The following UBE2H variants were observed in gnomAD, a reference collection of about 807,000 sequenced individuals.
UBE2H encodes the protein ubiquitin conjugating enzyme E2 H.
A neutral mutation model predicts 29.0 loss-of-function variants in UBE2H; 3 were observed. The ratio of observed to expected loss-of-function variants is 0.10; its 90% CI spans 0.05 to 0.27. The LOEUF (loss-of-function observed/expected upper bound fraction) is 0.27, where lower values mean the gene tolerates loss of function less well. Ranked by LOEUF, UBE2H falls within the 10% of genes least tolerant of loss-of-function variation. UBE2H has a pLI of 1.00. For synonymous variants in UBE2H, 69 were observed against 82.9 expected, an observed-to-expected ratio of 0.83 and a Z score of 0.91; for missense variants, 68 against 228.2, an observed-to-expected ratio of 0.30 and a Z score of 4.52.
At chr7:129,939,270 C>A (rs1265151062) in intron 1 of UBE2H, among the ~76,000 whole-genome samples, 1 of 152,136 alleles carries the variant, frequency 6.6e-6, no homozygotes, top group East Asian at 1.9e-4. Flanking sequence ...CAGCCTTGGA[C>A]TCAAGCAATC....
intron 1 of UBE2H, among the ~76,000 whole-genome samples, chr7:129,907,517 A>G (rs1282090506): frequency 2.0e-5 from 3 of 152,218 alleles, no homozygotes; most frequent in Admixed American, 6.5e-5. Context: ...GTTGTGGTAG[A>G]TAAAAGCAGA....
intron 4 of UBE2H, 95 bp downstream of exon 4, chr7:129,858,807 G>A (rs896940172): frequency 6.0e-6 from 7 of 1,171,098 alleles, no homozygotes; most frequent in Admixed American, 5.8e-5. Flanking sequence ...TCCTGATAAG[G>A]TCCAAAAAGA....
intron 1 of UBE2H, 35 bp downstream of exon 1, chr7:129,952,468 C>T (rs181298311): frequency 2.5e-6 from 4 of 1,607,988 alleles, no homozygotes; most frequent in Non-Finnish European, 3.4e-6. Flanking sequence ...CACCGCCCCC[C>T]ACACACAGCC....
intron 6 of UBE2H, among the ~76,000 whole-genome samples, chr7:129,837,935 T>C (rs1273746235): frequency 6.6e-6 from 1 of 152,228 alleles, no homozygotes; most frequent in African/African-American, 2.4e-5. Context: ...AGACATGTAC[T>C]GAAACAGGGC....
At position 129,834,451 on chromosome 7, in the gene UBE2H, C is replaced by T. The variant is rs1805285251; in HGVS notation, c.*486G>A. On this transcript the variant is annotated 3_prime_UTR_variant, in exon 7 of 7. Transcript: ENST00000355621. ...CAGGAAGGAGCAGCTCTGATTCTTA[C>T]ATGGCTGGCTCCGATGCCCCCACAG... The T allele has an allele frequency of 6.5e-6, 1 of 154,602 alleles. No individual in the cohort carries two copies. Among genetic ancestry groups the T allele is most frequent in the Non-Finnish European group, 1.4e-5 (1 of 69,522 alleles). The allele number at this position is 154,602 out of a possible 1,614,324, so 9.6% of individuals were successfully genotyped here. A position where few individuals can be genotyped will look rare whatever the true frequency, so the allele number is the denominator to read the frequency against.
chr7:129,925,471 C>T (rs996516368), intron 1 of UBE2H, among the ~76,000 whole-genome samples: 2 of 152,012 alleles, frequency 1.3e-5, no homozygotes, highest in African/African-American at 4.8e-5. Flanking sequence ...ATAATGCTCC[C>T]AAATATGTAA....
intron 1 of UBE2H, among the ~76,000 whole-genome samples, chr7:129,900,330 C>T (rs997535557): frequency 1.3e-5 from 2 of 150,904 alleles, no homozygotes; most frequent in Non-Finnish European, 3.0e-5. Context: ...ATTAATGTAA[C>T]ACATATGTTA....
At chr7:129,845,345 G>A (rs2116282704) in intron 5 of UBE2H, among the ~76,000 whole-genome samples, 1 of 152,256 alleles carries the variant, frequency 6.6e-6, no homozygotes, top group South Asian at 2.1e-4. Context: ...TGTGCAAAAT[G>A]CACAGGAAAT....
chr7:129,917,201 A>C (rs907757819), intron 1 of UBE2H, among the ~76,000 whole-genome samples: 1 of 152,170 alleles, frequency 6.6e-6, no homozygotes, highest in Non-Finnish European at 1.5e-5. Context: ...TCAAACAAAC[A>C]AACAAAAAGT....
chr7:129,912,106 C>T (rs1310287835), intron 1 of UBE2H, among the ~76,000 whole-genome samples: 7 of 152,134 alleles, frequency 4.6e-5, no homozygotes, highest in Admixed American at 3.9e-4. Context: ...TAGGGGTCCA[C>T]GAACTAGGGC....
intron 1 of UBE2H, among the ~76,000 whole-genome samples, chr7:129,904,881 T>A (rs1296364228): frequency 6.6e-6 from 1 of 152,226 alleles, no homozygotes; most frequent in Admixed American, 6.5e-5. Flanking sequence ...AAGGTGCTCC[T>A]GTCCTAATCC....
rs917812764 is a variant in UBE2H, at chr7:129,893,726, T to C, written c.54-12755A>G. Reference sequence around the variant, plus strand: ...ATAAACAAACTTGACTGCTTTGCTGTTTTATGGCAATAGTGCATATTTGCT... The same window carrying C: ...ATAAACAAACTTGACTGCTTTGCTGCTTTATGGCAATAGTGCATATTTGCT... On this transcript the variant is annotated intron_variant, in intron 1 of 6. Coordinates refer to ENST00000355621, the MANE Select transcript of UBE2H (RefSeq NM_003344.4). Among the ~76,000 whole-genome samples the C allele has an allele frequency of 2.0e-5, 3 of 152,252 alleles. No homozygotes were observed. In the East Asian group the frequency reaches 5.8e-4, roughly 29 times the overall value.
intron 1 of UBE2H, among the ~76,000 whole-genome samples, chr7:129,927,185 A>G (rs148534087): frequency 1.1e-3 from 163 of 152,358 alleles, no homozygotes; most frequent in African/African-American, 3.5e-3. Context: ...TAAAACAGAG[A>G]CACTAAAATG....
intron 3 of UBE2H, among the ~76,000 whole-genome samples, chr7:129,868,586 C>CAAAAAAAAAAA (rs11356893): frequency 1.4e-5 from 1 of 69,514 alleles, no homozygotes; most frequent in Non-Finnish European, 2.5e-5. Flanking sequence ...GACTCCGTCT[C>CAAAAAAAAAAA]AAAAAAAAAA....
intron 1 of UBE2H, among the ~76,000 whole-genome samples, chr7:129,944,105 C>T (rs556708360): frequency 1.3e-5 from 2 of 148,706 alleles, no homozygotes; most frequent in South Asian, 4.3e-4. Flanking sequence ...GCCTGTAATC[C>T]CAGCACTTTG....
chr7:129,937,007 C>CA (rs946026456), intron 1 of UBE2H, among the ~76,000 whole-genome samples: 15 of 149,842 alleles, frequency 1.0e-4, no homozygotes, highest in African/African-American at 2.7e-4. Context: ...ACAACAACAA[C>CA]AAAAAAAACA....
intron 1 of UBE2H, among the ~76,000 whole-genome samples, chr7:129,887,691 G>A (rs1251986494): frequency 7.5e-6 from 1 of 133,836 alleles, no homozygotes; most frequent in Non-Finnish European, 1.8e-5. Context: ...CCTGAGGTCG[G>A]GAGTTTGAGA....
chr7:129,844,542 C>A (rs944265154), intron 5 of UBE2H, among the ~76,000 whole-genome samples: 1 of 152,144 alleles, frequency 6.6e-6, no homozygotes, highest in African/African-American at 2.4e-5. Flanking sequence ...AGATCTTTAT[C>A]TAAAAACATT....
chr7:129,920,821 T>C (rs1807142805), intron 1 of UBE2H, among the ~76,000 whole-genome samples: 1 of 65,422 alleles, frequency 1.5e-5, no homozygotes, highest in African/African-American at 5.8e-5. Flanking sequence ...TTGAAAACAA[T>C]GTAATAAACA....
Sources: allele counts gnomAD v4.1 joint callset (sites outside exome capture counted in the v4.1 genomes callset), GRCh38; gene constraint gnomAD v4.1.1; transcripts MANE v1.5; gene names NCBI Gene and HGNC (gene_info 2026-07-23, HGNC 2026-07-21).